The following CACNB4 variants were observed in gnomAD, a reference collection of about 807,000 sequenced individuals.
CACNB4 encodes the protein calcium voltage-gated channel auxiliary subunit beta 4.
CACNB4 carries 32 observed loss-of-function variants against 71.2 expected under a neutral mutation model. The observed-to-expected ratio is 0.45, with a 90% CI of 0.34 to 0.60. CACNB4 has a LOEUF of 0.60. Ranked by LOEUF, CACNB4 falls within the 20% of genes least tolerant of loss-of-function variation. The pLI is 0.01. For missense variants in CACNB4, 464 were observed against 647.9 expected, an observed-to-expected ratio of 0.72 and a Z score of 3.08; for synonymous variants, 231 against 236.9, an observed-to-expected ratio of 0.97 and a Z score of 0.23.
At chr2:151,988,395 G>A (rs369862268) in intron 2 of CACNB4, among the ~76,000 whole-genome samples, 23 of 151,866 alleles carry the variant, frequency 1.5e-4, no homozygotes, top group Non-Finnish European at 2.9e-4. Flanking sequence ...ACATCCTGGC[G>A]GATTCTAAAA....
chr2:152,052,323 C>T (rs977647530), intron 2 of CACNB4, among the ~76,000 whole-genome samples: 3 of 152,114 alleles, frequency 2.0e-5, no homozygotes, highest in African/African-American at 7.2e-5. Context: ...TTTTTTGAGA[C>T]AGAGTCTCAC....
chr2:152,061,893 T>C (rs974095809), intron 2 of CACNB4, among the ~76,000 whole-genome samples: 5 of 151,732 alleles, frequency 3.3e-5, no homozygotes, highest in African/African-American at 9.7e-5. Flanking sequence ...ACACCTGTAA[T>C]CCCAGCTACT....
intron 2 of CACNB4, among the ~76,000 whole-genome samples, chr2:152,018,580 G>C (rs1207962764): frequency 6.6e-6 from 1 of 152,086 alleles, no homozygotes; most frequent in Admixed American, 6.6e-5. Context: ...AGGCAGGAGA[G>C]TTACTTGAGC....
intron 2 of CACNB4, among the ~76,000 whole-genome samples, chr2:151,988,558 G>A (rs1422310290): frequency 2.6e-5 from 4 of 152,284 alleles, no homozygotes; most frequent in Admixed American, 1.3e-4. Flanking sequence ...CAAGCACTGA[G>A]TGGCTTAAAC....
At chr2:151,862,694 TGG>T in intron 9 of CACNB4, among the ~76,000 whole-genome samples, 1 of 152,214 alleles carries the variant, frequency 6.6e-6, no homozygotes, top group South Asian at 2.1e-4. Context: ...TGGAAAACAC[TGG>T]TGTAACAACT....
intron 12 of CACNB4, chr2:151,850,305 C>G (rs1340358678): frequency 6.6e-6 from 1 of 151,930 alleles, no homozygotes; most frequent in Non-Finnish European, 1.5e-5. Context: ...CCACACCTGG[C>G]TAATTTTTGT....
At chr2:151,854,432 T>C (rs1396097267) in intron 11 of CACNB4, 1 of 152,216 alleles carries the variant, frequency 6.6e-6, no homozygotes, top group African/African-American at 2.4e-5. Context: ...ACAGCTTCTT[T>C]AGACATTCTC....
chr2:152,081,028 G>A (rs1687331542), intron 2 of CACNB4, among the ~76,000 whole-genome samples: 1 of 152,016 alleles, frequency 6.6e-6, no homozygotes, highest in Admixed American at 6.6e-5. Flanking sequence ...GCCAAAATAT[G>A]TGAGCCAAAA....
At chr2:151,930,357 T>TA (rs570690477) in intron 2 of CACNB4, among the ~76,000 whole-genome samples, 2 of 152,098 alleles carry the variant, frequency 1.3e-5, no homozygotes, top group Non-Finnish European at 2.9e-5. Context: ...ACTTAAAGGG[T>TA]AAAAAAATTA....
At chr2:151,955,439 G>C (rs915324744) in intron 2 of CACNB4, among the ~76,000 whole-genome samples, 1 of 152,198 alleles carries the variant, frequency 6.6e-6, no homozygotes, top group African/African-American at 2.4e-5. Context: ...TTGCCCTCTA[G>C]AGTCCTATGT....
chr2:151,886,099 C>A (rs963887299), intron 2 of CACNB4, among the ~76,000 whole-genome samples: 3 of 152,052 alleles, frequency 2.0e-5, no homozygotes, highest in African/African-American at 7.2e-5. Flanking sequence ...AGGTGTGAAC[C>A]GCTGTGCCTG....
At chr2:152,015,536 C>T (rs764965440) in intron 2 of CACNB4, among the ~76,000 whole-genome samples, 1 of 152,208 alleles carries the variant, frequency 6.6e-6, no homozygotes, top group Non-Finnish European at 1.5e-5. Context: ...CAGAGGGATT[C>T]TATTTACCTA....
At chr2:152,044,719 T>C (rs1232894116) in intron 2 of CACNB4, among the ~76,000 whole-genome samples, 1 of 152,230 alleles carries the variant, frequency 6.6e-6, no homozygotes, top group Non-Finnish European at 1.5e-5. Flanking sequence ...GGTCATTTTC[T>C]TTGGCTGGAA....
At chr2:152,035,726 C>T (rs9784082) in intron 2 of CACNB4, among the ~76,000 whole-genome samples, 105,887 of 150,036 alleles carry the variant, frequency 0.71, 37,669 homozygotes, top group East Asian at 0.87. Flanking sequence ...TTAGACAAAC[C>T]GCAAGAATAG....
intron 2 of CACNB4, among the ~76,000 whole-genome samples, chr2:152,013,717 T>C (rs1683189538): frequency 1.3e-5 from 2 of 152,208 alleles, no homozygotes; most frequent in African/African-American, 4.8e-5. Flanking sequence ...TCAGCAAGAA[T>C]GTGAGAGCTG....
chr2:152,073,990 G>C (rs1232241067), intron 2 of CACNB4, among the ~76,000 whole-genome samples: 1 of 152,114 alleles, frequency 6.6e-6, no homozygotes, highest in African/African-American at 2.4e-5. Flanking sequence ...CTATTGTCCA[G>C]GGTCAAAGGC....
chr2:151,904,771 G>A (rs77466126), intron 2 of CACNB4, among the ~76,000 whole-genome samples: 1 of 152,154 alleles, frequency 6.6e-6, no homozygotes, highest in Non-Finnish European at 1.5e-5. Flanking sequence ...CTGACCTCAG[G>A]TGATCTGCCT....
chr2:151,874,484 G>A (rs1054266932), intron 5 of CACNB4, among the ~76,000 whole-genome samples: 1 of 150,528 alleles, frequency 6.6e-6, no homozygotes, highest in Admixed American at 6.6e-5. Context: ...AAAAAAAGAA[G>A]AAGTATGAGA....
intron 2 of CACNB4, among the ~76,000 whole-genome samples, chr2:151,964,363 C>T (rs1290298962): frequency 6.6e-6 from 1 of 152,008 alleles, no homozygotes; most frequent in African/African-American, 2.4e-5. Flanking sequence ...TCTAAATATT[C>T]CTGTTTGTCA....
Sources: gnomAD v4.1 joint callset for allele counts (sites outside exome capture counted in the v4.1 genomes callset) on GRCh38, gnomAD v4.1.1 for gene constraint, MANE v1.5 for transcripts, NCBI Gene and HGNC (gene_info 2026-07-23, HGNC 2026-07-21) for gene names.